FBP2: variants seen among roughly 807,000 people sequenced by gnomAD.
The protein encoded by FBP2 is fructose-bisphosphatase 2.
In FBP2, 27 loss-of-function variants were observed where a neutral mutation model predicts 31.6. That is an observed-to-expected ratio of 0.85 (90% CI 0.63 to 1.18). FBP2 has a LOEUF of 1.18. Among genes scored for constraint, FBP2 ranks in the 50% most tolerant of loss-of-function variants. The pLI is 0.00. For synonymous variants in FBP2, 168 were observed against 179.8 expected, an observed-to-expected ratio of 0.93 and a Z score of 0.53; for missense variants, 421 against 436.1, an observed-to-expected ratio of 0.97 and a Z score of 0.31.
intron 4 of FBP2, among the ~76,000 whole-genome samples, 187 bp downstream of exon 4, chr9:94,571,275 C>T (rs1203816493): frequency 6.6e-6 from 1 of 152,162 alleles, no homozygotes; most frequent in African/African-American, 2.4e-5. Context: ...CCCCGAGTGC[C>T]CTCACTGGGA....
At chr9:94,586,229 G>T (rs1827425666) in intron 2 of FBP2, among the ~76,000 whole-genome samples, 1 of 152,090 alleles carries the variant, frequency 6.6e-6, no homozygotes, top group Non-Finnish European at 1.5e-5. Context: ...ACAAAAATTA[G>T]CGGGGCATGG....
chr9:94,575,592 C>A (rs1827308018), intron 3 of FBP2, among the ~76,000 whole-genome samples: 1 of 152,176 alleles, frequency 6.6e-6, no homozygotes, highest in Non-Finnish European at 1.5e-5. Context: ...CATCTTTGGG[C>A]AGACACAGAA....
At chr9:94,562,228 T>C (rs1396058536) in intron 6 of FBP2, among the ~76,000 whole-genome samples, 1 of 144,246 alleles carries the variant, frequency 6.9e-6, no homozygotes, top group Non-Finnish European at 1.5e-5. Flanking sequence ...GAGAATGGTG[T>C]GAACCTGGGA....
At chr9:94,564,232 C>T (rs117360233) in intron 5 of FBP2, among the ~76,000 whole-genome samples, 4,273 of 152,262 alleles carry the variant, frequency 0.028, 76 homozygotes, top group Non-Finnish European at 0.045. Flanking sequence ...CACAATCAGA[C>T]GTAAAACAAT....
intron 5 of FBP2, among the ~76,000 whole-genome samples, chr9:94,566,187 T>C (rs1012956613): frequency 6.6e-6 from 1 of 152,240 alleles, no homozygotes; most frequent in Non-Finnish European, 1.5e-5. Flanking sequence ...TAAAGGGCAC[T>C]GTTGGGAACA....
At chr9:94,563,047 C>T (rs1041707982) in intron 6 of FBP2, among the ~76,000 whole-genome samples, 1 of 152,232 alleles carries the variant, frequency 6.6e-6, no homozygotes, top group Non-Finnish European at 1.5e-5. Flanking sequence ...AAGTCAGATG[C>T]AGCCTGTGGA....
chr9:94,582,359 T>C (rs752846403), intron 3 of FBP2, among the ~76,000 whole-genome samples: 58 of 66,784 alleles, frequency 8.7e-4, no homozygotes, highest in African/African-American at 1.8e-3. Flanking sequence ...TGCGTGTGTG[T>C]GTGTGTGTGT....
chr9:94,586,382 C>CA (rs1216243316), intron 2 of FBP2, among the ~76,000 whole-genome samples: 4 of 151,560 alleles, frequency 2.6e-5, no homozygotes, highest in Non-Finnish European at 4.4e-5. Flanking sequence ...GACTCCGTCT[C>CA]AAAAAAATAA....
At chr9:94,571,800 C>T (rs1827272977) in intron 3 of FBP2, among the ~76,000 whole-genome samples, 198 bp from the exon 4 acceptor site, 1 of 152,220 alleles carries the variant, frequency 6.6e-6, no homozygotes, top group South Asian at 2.1e-4. Flanking sequence ...AAAGGCCATT[C>T]TTGGACTTCT....
intron 3 of FBP2, chr9:94,573,114 G>A (rs1400417435): frequency 6.6e-6 from 1 of 152,154 alleles, no homozygotes; most frequent in Non-Finnish European, 1.5e-5. Context: ...TACATATGTT[G>A]GGTAACAGTG....
chr9:94,589,881 C>T (rs1827471445), intron 1 of FBP2, among the ~76,000 whole-genome samples: 1 of 152,150 alleles, frequency 6.6e-6, no homozygotes, highest in African/African-American at 2.4e-5. Flanking sequence ...GCAACAGCAG[C>T]AACAAAACTA....
chr9:94,588,703 G>T (rs538489897), intron 1 of FBP2, among the ~76,000 whole-genome samples: 17 of 152,268 alleles, frequency 1.1e-4, no homozygotes, highest in Non-Finnish European at 2.4e-4. Flanking sequence ...CCTTCAGGGG[G>T]TTCTCAACAC....
At chr9:94,576,488 T>C (rs1010750070) in intron 3 of FBP2, 11 of 152,288 alleles carry the variant, frequency 7.2e-5, no homozygotes, top group Admixed American at 1.3e-4. Context: ...CTGGTTTCTA[T>C]TGGACAGGGC....
At chr9:94,585,005 C>T (rs1217675818) in intron 2 of FBP2, among the ~76,000 whole-genome samples, 1 of 152,140 alleles carries the variant, frequency 6.6e-6, no homozygotes, top group African/African-American at 2.4e-5. Context: ...TTTATAGCCC[C>T]CTGTGTGCAA....
chr9:94,563,945 C>A (rs965872317), intron 5 of FBP2, among the ~76,000 whole-genome samples: 2 of 152,154 alleles, frequency 1.3e-5, no homozygotes, highest in Admixed American at 1.3e-4. Flanking sequence ...CTTAACTATC[C>A]TAAATAATAT....
At chr9:94,587,570 C>A in intron 1 of FBP2, 101 bp from the exon 2 acceptor site, 2 of 1,021,104 alleles carry the variant, frequency 2.0e-6, no homozygotes, top group Admixed American at 4.2e-5. Context: ...CCCTCTCGTT[C>A]TGTGTCTCTG....
At chr9:94,562,309 CAAAA>C (rs397893359) in intron 6 of FBP2, among the ~76,000 whole-genome samples, 3 of 72,106 alleles carry the variant, frequency 4.2e-5, no homozygotes, top group Admixed American at 3.5e-4. Context: ...GACTCCATCT[CAAAA>C]AAAAAAAAAA....
chr9:94,577,549 T>C (rs1445120229), intron 3 of FBP2: 3 of 152,196 alleles, frequency 2.0e-5, no homozygotes, highest in East Asian at 1.9e-4. Flanking sequence ...ATTAAACTGC[T>C]GGCGCGAGAC....
chr9:94,575,283 C>T (rs1346897470), intron 3 of FBP2, among the ~76,000 whole-genome samples: 1 of 152,184 alleles, frequency 6.6e-6, no homozygotes, highest in East Asian at 1.9e-4. Context: ...TAGTCTCTTC[C>T]AGTCACTATC....
Sources: gnomAD v4.1 joint callset for allele counts (sites outside exome capture counted in the v4.1 genomes callset) on GRCh38, gnomAD v4.1.1 for gene constraint, MANE v1.5 for transcripts, NCBI Gene and HGNC (gene_info 2026-07-23, HGNC 2026-07-21) for gene names.